TACR3: variants seen among roughly 807,000 people sequenced by gnomAD.
The protein encoded by TACR3 is neuromedin-K receptor.
In TACR3, 34 loss-of-function variants were observed where a neutral mutation model predicts 35.0. The observed-to-expected ratio is 0.97, with a 90% CI of 0.74 to 1.30. TACR3 has a LOEUF of 1.30. Ranked by LOEUF, TACR3 falls within the 50% of genes most tolerant of loss-of-function variation. The probability of loss-of-function intolerance (pLI) is 0.00; values close to 1 mark genes in which losing one functional copy is unlikely to be tolerated. For synonymous variants in TACR3, 233 were observed against 221.1 expected, an observed-to-expected ratio of 1.05 and a Z score of -0.48; for missense variants, 558 against 591.7, an observed-to-expected ratio of 0.94 and a Z score of 0.59.
At chr4:103,717,216 CT>C (rs1368269961) in intron 1 of TACR3, among the ~76,000 whole-genome samples, 4 of 151,660 alleles carry the variant, frequency 2.6e-5, no homozygotes, top group Admixed American at 6.6e-5. Context: ...AACAAGATTT[CT>C]GTATTTCTGT....
chr4:103,690,279 ACAACAGAAAAG>A (rs1722372022), intron 1 of TACR3, among the ~76,000 whole-genome samples: 1 of 152,172 alleles, frequency 6.6e-6, no homozygotes, highest in South Asian at 2.1e-4. Context: ...GGAATGTAAA[ACAACAGAAAAG>A]CTTTGAATGT....
chr4:103,689,518 A>C (rs546840481), intron 1 of TACR3, among the ~76,000 whole-genome samples: 1 of 151,346 alleles, frequency 6.6e-6, no homozygotes, highest in East Asian at 2.0e-4. Flanking sequence ...GAAATTCTGC[A>C]ACTGAAAAGT....
At chr4:103,637,843 T>C (rs1725231671) in intron 3 of TACR3, among the ~76,000 whole-genome samples, 1 of 152,030 alleles carries the variant, frequency 6.6e-6, no homozygotes, top group Non-Finnish European at 1.5e-5. Context: ...TCACAATTGC[T>C]ACAAAGAGAA....
At chr4:103,600,644 A>T (rs1401027045) in intron 3 of TACR3, among the ~76,000 whole-genome samples, 2 of 152,072 alleles carry the variant, frequency 1.3e-5, no homozygotes, top group Non-Finnish European at 2.9e-5. Context: ...TGTCCCAGAG[A>T]TTCTGGTATA....
At chr4:103,713,677 G>A (rs1179498051) in intron 1 of TACR3, among the ~76,000 whole-genome samples, 2 of 151,860 alleles carry the variant, frequency 1.3e-5, no homozygotes, top group African/African-American at 4.8e-5. Context: ...AAAAAAATAG[G>A]AGCTCTTCAA....
chr4:103,629,367 A>G (rs2074053088), intron 3 of TACR3, among the ~76,000 whole-genome samples: 3 of 152,144 alleles, frequency 2.0e-5, no homozygotes, highest in African/African-American at 2.4e-5. Context: ...TTTTCAGATG[A>G]CATGATTGTA....
chr4:103,621,118 G>A (rs1317487427), intron 3 of TACR3, among the ~76,000 whole-genome samples: 1 of 152,190 alleles, frequency 6.6e-6, no homozygotes, highest in Non-Finnish European at 1.5e-5. Context: ...TATTGTGGAA[G>A]CTCAATGTGA....
intron 3 of TACR3, among the ~76,000 whole-genome samples, chr4:103,630,860 A>G (rs182928489): frequency 1.3e-5 from 2 of 152,244 alleles, no homozygotes; most frequent in African/African-American, 4.8e-5. Context: ...AAATCATGCT[A>G]CTATAAAGAC....
chr4:103,611,467 G>C (rs1724509932), intron 3 of TACR3, among the ~76,000 whole-genome samples: 1 of 152,156 alleles, frequency 6.6e-6, no homozygotes, highest in Non-Finnish European at 1.5e-5. Flanking sequence ...ACCTTAAAGA[G>C]CAAAAGTAAG....
intron 3 of TACR3, among the ~76,000 whole-genome samples, chr4:103,610,441 T>G (rs977632879): frequency 6.6e-6 from 1 of 152,128 alleles, no homozygotes; most frequent in African/African-American, 2.4e-5. Flanking sequence ...AAATGTCTAC[T>G]CAGATCCTTT....
intron 3 of TACR3, among the ~76,000 whole-genome samples, chr4:103,612,879 C>A (rs1019943176): frequency 2.6e-5 from 4 of 152,038 alleles, no homozygotes; most frequent in South Asian, 4.2e-4. Context: ...CATGATAACC[C>A]TCTTTTAAAT....
At chr4:103,630,485 CAAG>C (rs995114486) in intron 3 of TACR3, among the ~76,000 whole-genome samples, 2 of 151,346 alleles carry the variant, frequency 1.3e-5, no homozygotes, top group African/African-American at 4.8e-5. Flanking sequence ...CTCAAATTTA[CAAG>C]AATAAAACAA....
At chr4:103,611,334 C>T (rs1724506856) in intron 3 of TACR3, among the ~76,000 whole-genome samples, 1 of 152,092 alleles carries the variant, frequency 6.6e-6, no homozygotes. Flanking sequence ...TAGAGATCTT[C>T]CATCTCCTCG....
intron 3 of TACR3, among the ~76,000 whole-genome samples, chr4:103,646,089 T>C (rs1368168782): frequency 6.6e-6 from 1 of 152,020 alleles, no homozygotes; most frequent in African/African-American, 2.4e-5. Flanking sequence ...CAAGAATTGA[T>C]ATTTTTGTTA....
At chr4:103,631,507 T>C (rs1725066383) in intron 3 of TACR3, among the ~76,000 whole-genome samples, 1 of 152,126 alleles carries the variant, frequency 6.6e-6, no homozygotes, top group South Asian at 2.1e-4. Flanking sequence ...TCCAGAAAAG[T>C]TTAATTCATT....
chr4:103,593,828 C>T (rs1723945536), intron 3 of TACR3, among the ~76,000 whole-genome samples: 1 of 152,120 alleles, frequency 6.6e-6, no homozygotes, highest in Non-Finnish European at 1.5e-5. Context: ...CTTGCTCTTT[C>T]TCTTCAGTTT....
intron 1 of TACR3, among the ~76,000 whole-genome samples, chr4:103,683,390 A>G (rs1015260621): frequency 1.3e-5 from 2 of 150,804 alleles, no homozygotes; most frequent in Non-Finnish European, 3.0e-5. Flanking sequence ...GTGAAGTGAC[A>G]ATAGAAAGAA....
At chr4:103,655,108 T>C (rs1725704762) in intron 3 of TACR3, among the ~76,000 whole-genome samples, 1 of 152,254 alleles carries the variant, frequency 6.6e-6, no homozygotes, top group South Asian at 2.1e-4. Flanking sequence ...AAGCTCATTC[T>C]TACTTTTTGT....
intron 3 of TACR3, among the ~76,000 whole-genome samples, chr4:103,608,310 A>C (rs769362297): frequency 6.6e-6 from 1 of 152,132 alleles, no homozygotes; most frequent in Non-Finnish European, 1.5e-5. Flanking sequence ...ACCGAAATAG[A>C]AAACGAGATA....
Sources: allele counts gnomAD v4.1 joint callset (sites outside exome capture counted in the v4.1 genomes callset), GRCh38; gene constraint gnomAD v4.1.1; transcripts MANE v1.5; gene names NCBI Gene and HGNC (gene_info 2026-07-23, HGNC 2026-07-21).